Variants in LRBA observed in about 807,000 individuals in gnomAD.
LRBA encodes the protein lipopolysaccharide-responsive and beige-like anchor protein.
In LRBA, 176 loss-of-function variants were observed where a neutral mutation model predicts 330.0. That is an observed-to-expected ratio of 0.53 (90% CI 0.47 to 0.60). The LOEUF is 0.60. LRBA is among the 20% of genes least tolerant of loss of function. The pLI, the probability that LRBA is intolerant of heterozygous loss-of-function variation, is 0.00. For missense variants in LRBA, 3,259 were observed against 3,444.8 expected, an observed-to-expected ratio of 0.95 and a Z score of 1.35; for synonymous variants, 1,230 against 1,193.0, an observed-to-expected ratio of 1.03 and a Z score of -0.64.
In LRBA at chr4:150,914,290, C is replaced by T. The variant is rs1313844836; in HGVS notation, c.1066G>A (p.Val356Ile). 3 of 1,604,480 alleles carry T rather than the reference C, an allele frequency of 1.9e-6. No homozygotes were observed. Among genetic ancestry groups the T allele is most frequent in the East Asian group, 2.2e-5 (1 of 44,772 alleles). ...GSSETADANR[V>I]FCGQMTAVYL... ...ACTGCAGTCATCTGACCACAGAATA[C>T]TCTATTAGCATCTGCTGTTTCTGAT... The change falls in exon 9 of 57, where the codon GTA becomes ATA. Residue 356 changes from valine to isoleucine, a missense_variant. Coordinates refer to ENST00000651943, the MANE Select transcript of LRBA (RefSeq NM_001364905.1).
intron 28 of LRBA, among the ~76,000 whole-genome samples, chr4:150,835,449 T>C (rs899675670): frequency 3.3e-5 from 5 of 152,162 alleles, no homozygotes; most frequent in African/African-American, 1.2e-4. Context: ...ATGGAATGTT[T>C]TTCCATTTGT....
At chr4:150,923,771 T>C (rs1247409047) in intron 4 of LRBA, among the ~76,000 whole-genome samples, 1 of 152,198 alleles carries the variant, frequency 6.6e-6, no homozygotes, top group Non-Finnish European at 1.5e-5. Flanking sequence ...TCCTCCTTGT[T>C]AAAAATGTAA....
At chr4:150,868,054 C>T (rs929852523) in intron 21 of LRBA, 128 bp downstream of exon 21, 9 of 1,035,674 alleles carry the variant, frequency 8.7e-6, no homozygotes, top group Non-Finnish European at 1.1e-5. Flanking sequence ...ACATTATTTA[C>T]ATACTCTTAA....
At chr4:150,428,218 T>C (rs959661034) in intron 46 of LRBA, among the ~76,000 whole-genome samples, 41 of 152,222 alleles carry the variant, frequency 2.7e-4, no homozygotes, top group African/African-American at 9.4e-4. Flanking sequence ...ACTGTAAATA[T>C]AGAATATACT....
intron 47 of LRBA, among the ~76,000 whole-genome samples, chr4:150,370,392 A>T (rs544131014): frequency 6.6e-6 from 1 of 152,324 alleles, no homozygotes; most frequent in East Asian, 1.9e-4. Flanking sequence ...AAAGACATAG[A>T]GGAATCTTAA....
At chr4:150,827,790 C>T (rs1400516559) in intron 30 of LRBA, among the ~76,000 whole-genome samples, 1 of 151,856 alleles carries the variant, frequency 6.6e-6, no homozygotes, top group Non-Finnish European at 1.5e-5. Context: ...TTAGTAGAGA[C>T]TGGGTTTCAC....
chr4:150,443,853 A>AAAAATATATATAT lies in LRBA; in HGVS notation c.6781-6990_6781-6989insATATATATATTTT, dbSNP rs70941406. Among the ~76,000 whole-genome samples, 204 of 75,372 alleles carry AAAAATATATATAT rather than the reference A, an allele frequency of 2.7e-3. 1 individual carries two copies. The highest frequency in any genetic ancestry group is 6.5e-3 in the East Asian group (14 of 2,146). 49.4% of individuals were successfully genotyped at this position (75,372 alleles called of 152,430 possible). A position where few individuals can be genotyped will look rare whatever the true frequency, so the allele number is the denominator to read the frequency against. On this transcript the variant is annotated intron_variant, in intron 44 of 56. Coordinates refer to ENST00000651943, the MANE Select transcript of LRBA (RefSeq NM_001364905.1). ...CTAGAACTTAAAGTATAATTAAAAAAATATATATATATATATATATTTTTT... is the reference window on the plus strand; with the variant it reads ...CTAGAACTTAAAGTATAATTAAAAAAAAAATATATATATATATATATATATATATATATTTTTT...
At chr4:150,658,406 C>T (rs976129663) in intron 37 of LRBA, among the ~76,000 whole-genome samples, 3 of 150,406 alleles carry the variant, frequency 2.0e-5, no homozygotes, top group Non-Finnish European at 4.4e-5. Context: ...GATAAATATG[C>T]CTTCCTGATT....
chr4:150,683,798 A>T (rs1360444188), intron 36 of LRBA, 81 bp from the exon 37 acceptor site: 1 of 1,095,452 alleles, frequency 9.1e-7, no homozygotes. Context: ...TTTACCCTAA[A>T]TCAAAACAAC....
At chr4:150,438,390 G>C (rs1751405379) in intron 44 of LRBA, among the ~76,000 whole-genome samples, 1 of 152,096 alleles carries the variant, frequency 6.6e-6, no homozygotes, top group Non-Finnish European at 1.5e-5. Flanking sequence ...GGCTGAGGTA[G>C]GAGGATTACA....
chr4:150,852,348 T>C lies in LRBA; in HGVS notation c.3362A>G (p.Glu1121Gly), dbSNP rs146128973. 1.9e-5 allele frequency: 30 copies of C among 1,613,822 alleles called. No individual in the cohort carries two copies. The African/African-American group carries it at 3.1e-4, about 17-fold the overall frequency. The change falls in exon 23 of 57, where the codon GAG (glutamate) becomes GGG (glycine). Residue 1121 changes from glutamate to glycine, a missense_variant. By Grantham distance (98) the Glu-to-Gly change is moderately conservative (BLOSUM62 -2). Transcript: ENST00000651943. ...GAGCTCTGTGGGTAGATTAGCTTCC[T>C]CAGTAGGACTGCCTTCTACTTTCAG... ...VELKVEGSPT[E>G]EANLPTELQD...
At position 150,959,358 on chromosome 4, in the gene LRBA, C is replaced by T. The variant is rs750742452; in HGVS notation, c.217-30293G>A. ...TCCCTCCCACATGAGACCTACAATT[C>T]AAGAAAGATTTTGGTGGGGACACAG... On this transcript the variant is annotated intron_variant, in intron 2 of 56. Transcript: ENST00000651943. Among the ~76,000 whole-genome samples the T allele has an allele frequency of 6.7e-5, 10 of 149,124 alleles. 1 individual carries two copies. The highest frequency in any genetic ancestry group is 1.0e-4 in the Non-Finnish European group (7 of 68,022).
intron 37 of LRBA, among the ~76,000 whole-genome samples, chr4:150,671,326 T>G (rs2126867612): frequency 6.6e-6 from 1 of 152,322 alleles, no homozygotes; most frequent in Non-Finnish European, 1.5e-5. Flanking sequence ...TTTCTACATA[T>G]TAGCTCCTTC....
At chr4:150,561,095 CATT>C (rs1228572771) in intron 40 of LRBA, among the ~76,000 whole-genome samples, 1 of 152,120 alleles carries the variant, frequency 6.6e-6, no homozygotes, top group African/African-American at 2.4e-5. Flanking sequence ...TTTCTGAGAA[CATT>C]ATTGTCACAA....
chr4:150,469,920 C>T (rs1198666461), intron 43 of LRBA, among the ~76,000 whole-genome samples: 3 of 152,160 alleles, frequency 2.0e-5, no homozygotes, highest in Admixed American at 6.6e-5. Flanking sequence ...TGGTGGCTCA[C>T]GCCTGTAATC....
chr4:150,903,361 T>G (rs1223680910), intron 13 of LRBA, among the ~76,000 whole-genome samples: 1 of 151,422 alleles, frequency 6.6e-6, no homozygotes, highest in Middle Eastern at 3.3e-3. Context: ...ATGTTGGAAT[T>G]CTGGCAGAAT....
At chr4:150,559,476 G>A (rs867196275) in intron 40 of LRBA, among the ~76,000 whole-genome samples, 46 of 145,434 alleles carry the variant, frequency 3.2e-4, no homozygotes, top group Middle Eastern at 3.5e-3. Flanking sequence ...CAGGAGAATC[G>A]CTTGAACCCG....
At chr4:150,669,782 T>C (rs921723509) in intron 37 of LRBA, among the ~76,000 whole-genome samples, 2 of 152,180 alleles carry the variant, frequency 1.3e-5, no homozygotes, top group Non-Finnish European at 2.9e-5. Flanking sequence ...GCCAAGCTGG[T>C]ATCGAACTCC....
intron 44 of LRBA, among the ~76,000 whole-genome samples, chr4:150,458,773 T>C (rs909841641): frequency 6.9e-6 from 1 of 145,464 alleles, no homozygotes; most frequent in African/African-American, 2.5e-5. Flanking sequence ...TATCTGAAAA[T>C]ATTTATTCTA....
Sources: gnomAD v4.1 joint callset for allele counts (sites outside exome capture counted in the v4.1 genomes callset) on GRCh38, gnomAD v4.1.1 for gene constraint, MANE v1.5 for transcripts, NCBI Gene and HGNC (gene_info 2026-07-23, HGNC 2026-07-21) for gene names.